The following AHNAK variants were observed in gnomAD, a reference collection of about 807,000 sequenced individuals.
The protein encoded by AHNAK is neuroblast differentiation-associated protein AHNAK.
A neutral mutation model predicts 37.8 loss-of-function variants in AHNAK; 23 were observed. The ratio of observed to expected loss-of-function variants is 0.61; its 90% CI spans 0.44 to 0.86. The LOEUF (loss-of-function observed/expected upper bound fraction) is 0.86, where lower values mean the gene tolerates loss of function less well. Among genes scored for constraint, AHNAK ranks in the 40% least tolerant of loss-of-function variants. The pLI is 0.00. For synonymous variants in AHNAK, 2,481 were observed against 2,636.3 expected (o/e 0.94, Z 1.80); for missense variants, 7,411 against 7,319.4 (o/e 1.01, Z -0.46).
intron 4 of AHNAK, among the ~76,000 whole-genome samples, chr11:62,504,518 C>G (rs1939772845): frequency 6.6e-6 from 1 of 152,138 alleles, no homozygotes; most frequent in Non-Finnish European, 1.5e-5. Flanking sequence ...TGCAATCTTA[C>G]AAATAGAAAA....
chr11:62,469,382 A>G (rs537759866), intron 5 of AHNAK, among the ~76,000 whole-genome samples: 1 of 151,758 alleles, frequency 6.6e-6, no homozygotes, highest in South Asian at 2.1e-4. Context: ...TCAGCCTCCC[A>G]AAGTGCTGGG....
rs750141383 is a variant in AHNAK at position 62,526,397 on chromosome 11, C to T, written c.8020G>A (p.Val2674Met). The change falls in exon 5 of 5, where the codon GTG becomes ATG. Residue 2674 changes from valine to methionine, a missense_variant. Physicochemically the swap from Val to Met is conservative, Grantham distance 21. Coordinates refer to ENST00000378024, the MANE Select transcript of AHNAK (RefSeq NM_001620.3). ...TTAACATCAGGGCCTTCAATGTCCA[C>T]TTTGGGTCCTGAGACATCAATGTCA... ...KADIDVSGPK[V>M]DIEGPDVNIE... The T allele has an allele frequency of 2.5e-5, 41 of 1,610,836 alleles. 1 individual carries two copies. In the Middle Eastern group the frequency reaches 1.3e-3, roughly 52 times the overall value.
At position 62,530,994 on chromosome 11, in the gene AHNAK, G is replaced by A. The variant is rs1234403227; in HGVS notation, c.3423C>T (p.Gly1141=). The change falls in exon 5 of 5, where the codon GGC becomes GGT. Residue 1141 remains glycine (G), a synonymous_variant. Transcript: ENST00000378024. ...AGTTCACATCCACTTCTGGGCCCTC[G>A]CCTTTGAGGCTGGGCATGCTGAACT... is the stretch of plus-strand genomic sequence containing the variant. ...MPKFSMPSLK[G]EGPEVDVNLP... is the part of the protein sequence containing the mutation. 10 of 1,610,554 alleles carry A rather than the reference G, an allele frequency of 6.2e-6. No individual in the cohort carries two copies. The highest frequency in any genetic ancestry group is 1.3e-5 in the African/African-American group (1 of 74,128).
At chr11:62,458,686 G>A (rs531508496) in intron 5 of AHNAK, among the ~76,000 whole-genome samples, 1 of 152,110 alleles carries the variant, frequency 6.6e-6, no homozygotes, top group Non-Finnish European at 1.5e-5. Context: ...TAAACCTCTT[G>A]TGGACAGGAG....
In AHNAK at chr11:62,519,602, C is replaced by T. The variant is rs779427967; in HGVS notation, c.14815G>A (p.Gly4939Ser). The T allele has an allele frequency of 1.2e-6, 2 of 1,613,622 alleles. No homozygotes were observed. The highest frequency in any genetic ancestry group is 2.2e-5 in the East Asian group (1 of 44,864). ...GGTCCCTTGAGGTCCACTTCACCAC[C>T]TTCTAACTTCGGACCTGAAAATCCA... is the stretch of plus-strand genomic sequence containing the variant. ...KIGFSGPKLE[G>S]GEVDLKGPKV... The change falls in exon 5 of 5, where the codon GGT becomes AGT. Residue 4939 changes from glycine (G) to serine (S), a missense_variant. Physicochemically the swap from Gly to Ser is moderately conservative, Grantham distance 56 (BLOSUM62 0). Coordinates refer to ENST00000378024, the MANE Select transcript of AHNAK (RefSeq NM_001620.3).
At chr11:62,484,029 T>C (rs1247042222) in intron 5 of AHNAK, among the ~76,000 whole-genome samples, 1 of 77,284 alleles carries the variant, frequency 1.3e-5, no homozygotes, top group Non-Finnish European at 2.3e-5. Flanking sequence ...AGAGCGAGAC[T>C]CCATCTCAAA....
rs149262322 is a variant in AHNAK at position 62,519,198 on chromosome 11, G to A, written c.15219C>T (p.Val5073=). ...TCTTGGTTTTGGGCGATTTCACGTCGACTTTGAGTGCAGCATCCGGCCCTG... is the reference window on the plus strand; with the variant it reads ...TCTTGGTTTTGGGCGATTTCACGTCAACTTTGAGTGCAGCATCCGGCCCTG... ...NIAGPDAALK[V]DVKSPKTKKT... The change falls in exon 5 of 5, where the codon GTC becomes GTT. Residue 5073 remains valine (V), a synonymous_variant. Coordinates refer to ENST00000378024, the MANE Select transcript of AHNAK (RefSeq NM_001620.3). 1.9e-5 allele frequency: 30 copies of A among 1,613,058 alleles called. No individual in the cohort carries two copies. The African/African-American group carries it at 2.9e-4, about 16-fold the overall frequency.
At position 62,529,678 on chromosome 11, in the gene AHNAK, G is replaced by C; in HGVS notation, c.4739C>G (p.Ser1580Cys). 6.2e-7 allele frequency: 1 copy of C among 1,614,090 alleles called. No homozygotes were observed. Among genetic ancestry groups the C allele is most frequent in the Non-Finnish European group, 8.5e-7 (1 of 1,180,028 alleles). The change falls in exon 5 of 5, where the codon TCT becomes TGT. Residue 1580 changes from serine (S) to cysteine (C), a missense_variant. Physicochemically the swap from Ser to Cys is moderately radical, Grantham distance 112. Transcript: ENST00000378024. ...PSMNIQTHKI[S>C]MPDVGLNLKA... ...CAAATTAAGTCCAACATCAGGCATA[G>C]AGATTTTGTGCGTCTGTATATTCAT...
intron 5 of AHNAK, among the ~76,000 whole-genome samples, chr11:62,437,266 G>A (rs747889383): frequency 2.6e-5 from 4 of 152,188 alleles, no homozygotes; most frequent in Non-Finnish European, 5.9e-5. Flanking sequence ...TTCTGTTGAT[G>A]GGAATTTGGG....
chr11:62,463,644 G>A (rs559435672), intron 5 of AHNAK, among the ~76,000 whole-genome samples: 2 of 152,142 alleles, frequency 1.3e-5, no homozygotes, highest in Admixed American at 6.6e-5. Flanking sequence ...CAGGGTGACC[G>A]ACTGTCCTGG....
At position 62,461,792 on chromosome 11, in the gene AHNAK, T is replaced by G. The variant is rs755770928; in HGVS notation, c.443-27901A>C. Among the ~76,000 whole-genome samples, 24 of 135,764 alleles carry G rather than the reference T, an allele frequency of 1.8e-4. No homozygotes were observed. The Middle Eastern group carries it at 0.017, about 96-fold the overall frequency. The allele number at this position is 135,764 out of a possible 152,430, so 89.1% of individuals were successfully genotyped here. ...GTGAGCCGAGATGGCGCCATTGCAC[T>G]CCAGCCTGGGCAACAGAGCGAAACG... On this transcript the variant is annotated intron_variant, in intron 5 of 5. Transcript: ENST00000257247.
At chr11:62,488,288 G>A (rs1939432504) in intron 5 of AHNAK, among the ~76,000 whole-genome samples, 1 of 152,152 alleles carries the variant, frequency 6.6e-6, no homozygotes, top group Admixed American at 6.5e-5. Flanking sequence ...ACAACAAAAA[G>A]TGCTGCATTT....
chr11:62,451,808 A>ATTT (rs1163318132), intron 5 of AHNAK, among the ~76,000 whole-genome samples: 1 of 135,630 alleles, frequency 7.4e-6, no homozygotes, highest in Non-Finnish European at 1.6e-5. Context: ...TAGCAAACTA[A>ATTT]TTTTTTTTTT....
chr11:62,528,578 A>G lies in AHNAK; in HGVS notation c.5839T>C (p.Leu1947=). Residue 1947 remains leucine (L), a synonymous_variant, in exon 5 of 5, where the codon TTG becomes CTG. Transcript: ENST00000378024. ...CTGGGACCTGTTAAATCTCCCTCCA[A>G]TTTTGGCACCGACACATCCACATCC... ...KGDVDVSVPK[L]EGDLTGPSVG... 1.3e-6 allele frequency: 2 copies of G among 1,561,702 alleles called. No individual in the cohort carries two copies. Among genetic ancestry groups the G allele is most frequent in the Non-Finnish European group, 8.6e-7 (1 of 1,159,486 alleles).
Position 62,516,720 on chromosome 11 carries a change from T to C in AHNAK, c.*24A>G. The C allele has an allele frequency of 6.3e-7, 1 of 1,578,782 alleles. No individual in the cohort carries two copies. The highest frequency in any genetic ancestry group is 2.2e-5 in the East Asian group (1 of 44,784). On this transcript the variant is annotated 3_prime_UTR_variant, in exon 5 of 5. Coordinates refer to ENST00000378024, the MANE Select transcript of AHNAK (RefSeq NM_001620.3). ...GCTGATGTTTTGTTATATATATATA[T>C]ATGTACACACATACAAAGGCCTGCT...
At position 62,517,039 on chromosome 11, in the gene AHNAK, G is replaced by A. The variant is rs1443696349; in HGVS notation, c.17378C>T (p.Ser5793Phe). ...FSDEREFSGPSTPTGTLEFEG... is the reference protein window; with the variant it reads ...FSDEREFSGPFTPTGTLEFEG... ...AAACTCCAGCGTCCCCGTCGGGGTG[G>A]AAGGTCCAGAGAACTCTCTTTCATC... The change falls in exon 5 of 5, where the codon TCC (serine) becomes TTC (phenylalanine). Residue 5793 changes from serine (S) to phenylalanine (F), a missense_variant. Transcript: ENST00000378024. The A allele has an allele frequency of 2.5e-6, 4 of 1,614,172 alleles. No individual in the cohort carries two copies. The highest frequency in any genetic ancestry group is 1.1e-5 in the South Asian group (1 of 91,082).
At chr11:62,450,969 G>T (rs953595600) in intron 5 of AHNAK, among the ~76,000 whole-genome samples, 7 of 152,122 alleles carry the variant, frequency 4.6e-5, no homozygotes, top group Non-Finnish European at 1.0e-4. Flanking sequence ...ACTTTGGGAG[G>T]CCAAGGCGGG....
chr11:62,489,529 C>G (rs1349696134), intron 5 of AHNAK, among the ~76,000 whole-genome samples: 2 of 152,158 alleles, frequency 1.3e-5, no homozygotes, highest in Non-Finnish European at 2.9e-5. Flanking sequence ...CTAAGACAGG[C>G]AGACAGTTAG....
rs762029344 is a variant in AHNAK, at chr11:62,520,079, T to C, written c.14338A>G (p.Met4780Val). Reference sequence around the variant, plus strand: ...AATTTGGGCATTTTCACCTTGGGCATCTTCAGGTGCCAGTCTGGGCCATGA... The same window carrying C: ...AATTTGGGCATTTTCACCTTGGGCACCTTCAGGTGCCAGTCTGGGCCATGA... ...DVHGPDWHLK[M>V]PKVKMPKFSM... is the part of the protein sequence containing the mutation. The change falls in exon 5 of 5, where the codon ATG becomes GTG. Residue 4780 changes from methionine (M) to valine (V), a missense_variant. Met to Val is a conservative substitution (Grantham distance 21). Coordinates refer to ENST00000378024, the MANE Select transcript of AHNAK (RefSeq NM_001620.3). 2.5e-6 allele frequency: 4 copies of C among 1,612,130 alleles called. No individual in the cohort carries two copies. The highest frequency in any genetic ancestry group is 1.1e-5 in the South Asian group (1 of 90,978).
Sources: gnomAD v4.1 joint callset for allele counts (sites outside exome capture counted in the v4.1 genomes callset) on GRCh38, gnomAD v4.1.1 for gene constraint, MANE v1.5 for transcripts, NCBI Gene and HGNC (gene_info 2026-07-23, HGNC 2026-07-21) for gene names.